The following MIEF1 variants were observed in gnomAD, a reference collection of about 807,000 sequenced individuals.
MIEF1 encodes mitochondrial elongation factor 1.
In MIEF1, 14 loss-of-function variants were observed where a neutral mutation model predicts 35.1. The ratio of observed to expected loss-of-function variants is 0.40; its 90% CI spans 0.26 to 0.62. MIEF1 has a LOEUF of 0.62. Among genes scored for constraint, MIEF1 ranks in the 20% least tolerant of loss-of-function variants. MIEF1 has a pLI of 0.43. For synonymous variants in MIEF1, 245 were observed against 254.3 expected (o/e 0.96, Z 0.35); for missense variants, 542 against 615.4 (o/e 0.88, Z 1.26).
Position 39,514,320 on chromosome 22 carries a change from G to T in MIEF1, c.1389G>T (p.Thr463=). 1 of 1,612,844 alleles carries T rather than the reference G, an allele frequency of 6.2e-7. No individual in the cohort carries two copies. Among genetic ancestry groups the T allele is most frequent in the Non-Finnish European group, 8.5e-7 (1 of 1,179,324 alleles). The change falls in exon 6 of 6, where the codon ACG becomes ACT. Residue 463 remains threonine (T), a synonymous_variant. Coordinates refer to ENST00000325301, the MANE Select transcript of MIEF1 (RefSeq NM_019008.6). The part of the protein sequence containing the change: ...SLSEPEVLLQ[T] ...CTGAGCCAGAGGTGCTGCTGCAGAC[G>T]TAGGGCAGGTGAAGGCCAAAGCGGG...
chr22:39,512,438 C>A lies in MIEF1; in HGVS notation c.529C>A (p.Pro177Thr). Residue 177 changes from proline to threonine, a missense_variant, in exon 5 of 6, where the codon CCT (proline) becomes ACT (threonine). Pro to Thr is a conservative substitution (Grantham distance 38, BLOSUM62 -1). Coordinates refer to ENST00000325301, the MANE Select transcript of MIEF1 (RefSeq NM_019008.6). ...ELRSFLRAKL[P>T]DMPLRDMYLS... ...CCGGAGCTTCCTGCGGGCCAAGTTG[C>A]CTGACATGCCGCTTCGGGACATGTA... 1 of 1,614,092 alleles carries A rather than the reference C, an allele frequency of 6.2e-7. No homozygotes were observed. The highest frequency in any genetic ancestry group is 8.5e-7 in the Non-Finnish European group (1 of 1,179,984).
intron 4 of MIEF1, 78 bp downstream of exon 4, chr22:39,512,104 G>C (rs1930374426): frequency 6.4e-7 from 1 of 1,557,342 alleles, no homozygotes; most frequent in Non-Finnish European, 8.7e-7. Flanking sequence ...TGTTTCCTGA[G>C]CACATCTGTG....
At position 39,504,491 on chromosome 22, in the gene MIEF1, G is replaced by A; in HGVS notation, c.-51G>A. The stretch of plus-strand genomic sequence containing the variant: ...AAAGGTGCCTTCTGTAGACACTCCT[G>A]CTCTCTTCCATCCCCATCTTACAGA... On this transcript the variant is annotated 5_prime_UTR_variant, in exon 2 of 6. Coordinates refer to ENST00000325301, the MANE Select transcript of MIEF1 (RefSeq NM_019008.6). 1 of 398,856 alleles carries A rather than the reference G, an allele frequency of 2.5e-6. No homozygotes were observed. The highest frequency in any genetic ancestry group is 3.6e-5 in the East Asian group (1 of 28,082). 24.7% of individuals were successfully genotyped at this position (398,856 alleles called of 1,614,324 possible).
Position 39,514,691 on chromosome 22 carries a change from G to A in MIEF1, c.*368G>A. ...GCCCGTTTGCCTGTTCCTATTCAGT[G>A]TCTTTTCTATTTTTTCCTCTCTCGT... On this transcript the variant is annotated 3_prime_UTR_variant, in exon 6 of 6. Coordinates refer to ENST00000325301, the MANE Select transcript of MIEF1 (RefSeq NM_019008.6). The A allele has an allele frequency of 1.1e-5, 3 of 284,700 alleles. No individual in the cohort carries two copies. The highest frequency in any genetic ancestry group is 1.1e-4 in the South Asian group (2 of 18,802). The allele number at this position is 284,700 out of a possible 1,614,324, so 17.6% of individuals were successfully genotyped here.
Position 39,515,553 on chromosome 22 carries a change from AC to A in MIEF1, c.*1232del, listed in dbSNP as rs1283924421. On this transcript the variant is annotated 3_prime_UTR_variant, in exon 6 of 6. Transcript: ENST00000325301. ...CCCAGCACCTGGGGAGATCGGTGCT[AC>A]CAAGGAAGAGAGCACACAGATAAGA... 1.7e-6 allele frequency: 1 copy of A among 580,654 alleles called. No individual in the cohort carries two copies. The highest frequency in any genetic ancestry group is 1.9e-5 in the African/African-American group (1 of 53,448). 36.0% of individuals were successfully genotyped at this position (580,654 alleles called of 1,614,324 possible).
At chr22:39,500,197 A>G (rs1929641721), upstream of MIEF1, 1 of 152,194 alleles carries the variant, frequency 6.6e-6, no homozygotes, top group Non-Finnish European at 1.5e-5. Context: ...AACCTGGCAG[A>G]GCCCTGAGGT....
chr22:39,512,488 C>T lies in MIEF1; in HGVS notation c.579C>T (p.Asp193=), dbSNP rs1400578181. 3 of 1,609,514 alleles carry T rather than the reference C, an allele frequency of 1.9e-6. No homozygotes were observed. The change falls in exon 5 of 6, where the codon GAC becomes GAT. Residue 193 remains aspartate (D), a synonymous_variant. Transcript: ENST00000325301. ...ACTTGAGTGGCAGCCTCTACGATGA[C>T]CTGCAGGTAACAAGGTGGTTCTCAT... ...DMYLSGSLYD[D]LQVVTADHIQ...
intron 2 of MIEF1, among the ~76,000 whole-genome samples, chr22:39,507,381 G>A (rs1569015710): frequency 6.6e-6 from 1 of 151,788 alleles, no homozygotes; most frequent in Non-Finnish European, 1.5e-5. Flanking sequence ...GAGTAGCTGG[G>A]ACTACAGGCG....
At position 39,502,520 on chromosome 22, in the gene MIEF1, C is replaced by T. The variant is rs760053096; in HGVS notation, c.-340+83C>T. Reference sequence around the variant, plus strand: ...CCTCCTCTCAGGCTGCTGCCGGCGCCTCGCATGCGGCCCGGAGTCAGGATA... The same window carrying T: ...CCTCCTCTCAGGCTGCTGCCGGCGCTTCGCATGCGGCCCGGAGTCAGGATA... On this transcript the variant is annotated intron_variant, in intron 1 of 5. Transcript: ENST00000325301. 13 of 152,270 alleles carry T rather than the reference C, an allele frequency of 8.5e-5. 1 individual carries two copies. The highest frequency in any genetic ancestry group is 1.3e-4 in the Non-Finnish European group (9 of 68,070). The allele number at this position is 152,270 out of a possible 1,614,324, so 9.4% of individuals were successfully genotyped here.
intron 2 of MIEF1, among the ~76,000 whole-genome samples, chr22:39,510,052 G>A (rs1377353457): frequency 1.3e-5 from 2 of 151,680 alleles, no homozygotes; most frequent in Admixed American, 6.6e-5. Flanking sequence ...TCCGCCTTCC[G>A]GGTTCAAGGG....
rs1240480107 is a variant in MIEF1, at chr22:39,513,905, C to T, written c.974C>T (p.Ala325Val). ...ACCCTCGGTGACACAGTCTTGGTGGCCAAACCACACCGGCTAGCCCAGTAT... is the reference window on the plus strand; with the variant it reads ...ACCCTCGGTGACACAGTCTTGGTGGTCAAACCACACCGGCTAGCCCAGTAT... ...SVTLGDTVLVAKPHRLAQYDN... is the reference protein window; with the variant it reads ...SVTLGDTVLVVKPHRLAQYDN... Residue 325 changes from alanine (A) to valine (V), a missense_variant, in exon 6 of 6, where the codon GCC (alanine) becomes GTC (valine). Coordinates refer to ENST00000325301, the MANE Select transcript of MIEF1 (RefSeq NM_019008.6). 1.2e-6 allele frequency: 2 copies of T among 1,614,070 alleles called. No individual in the cohort carries two copies. The highest frequency in any genetic ancestry group is 1.7e-6 in the Non-Finnish European group (2 of 1,180,032).
intron 5 of MIEF1, 79 bp downstream of exon 5, chr22:39,512,573 G>A (rs1390521971): frequency 3.3e-6 from 5 of 1,513,254 alleles, no homozygotes; most frequent in Non-Finnish European, 4.4e-6. Flanking sequence ...AGTGTCCCAG[G>A]CTTGCCAGAA....
chr22:39,501,475 G>A (rs551516987), upstream of MIEF1, among the ~76,000 whole-genome samples: 12 of 152,330 alleles, frequency 7.9e-5, no homozygotes, highest in East Asian at 5.8e-4. Flanking sequence ...AGGAGCCAGC[G>A]GTGGCCCCGG....
chr22:39,509,305 T>C (rs956909221), intron 2 of MIEF1: 1 of 152,262 alleles, frequency 6.6e-6, no homozygotes, highest in African/African-American at 2.4e-5. Context: ...GGTATCCGAC[T>C]TTGTTTTCCC....
At chr22:39,513,189 C>T (rs1343871619) in intron 5 of MIEF1, among the ~76,000 whole-genome samples, 1 of 151,878 alleles carries the variant, frequency 6.6e-6, no homozygotes, top group Non-Finnish European at 1.5e-5. Context: ...CAACCTCCGC[C>T]TCCTGGGTTC....
chr22:39,515,448 G>A lies in MIEF1; in HGVS notation c.*1125G>A. 1.5e-6 allele frequency: 1 copy of A among 675,266 alleles called. No individual in the cohort carries two copies. The highest frequency in any genetic ancestry group is 2.7e-6 in the Non-Finnish European group (1 of 364,792). The allele number at this position is 675,266 out of a possible 1,614,324, so 41.8% of individuals were successfully genotyped here. ...CAGCGTCTGCCATAGGAATGTGAGA[G>A]GGGTGTTTGCTGAGCGCTCCGGGCA... On this transcript the variant is annotated 3_prime_UTR_variant, in exon 6 of 6. Coordinates refer to ENST00000325301, the MANE Select transcript of MIEF1 (RefSeq NM_019008.6).
In MIEF1 at chr22:39,514,501, A is replaced by C; in HGVS notation, c.*178A>C. On this transcript the variant is annotated 3_prime_UTR_variant, in exon 6 of 6. Transcript: ENST00000325301. ...TCTTTCGTCTCCTATTTTGTTACCC[A>C]ACTCTTCCTATTTTTGTTACCAATC... 9.4e-6 allele frequency: 6 copies of C among 638,788 alleles called. No individual in the cohort carries two copies. Among genetic ancestry groups the C allele is most frequent in the South Asian group, 2.0e-5 (1 of 48,876 alleles). 39.6% of individuals were successfully genotyped at this position (638,788 alleles called of 1,614,324 possible).
At chr22:39,512,176 T>TG (rs1930378106) in intron 4 of MIEF1, 56 bp from the exon 5 acceptor site, 2 of 1,583,916 alleles carry the variant, frequency 1.3e-6, no homozygotes, top group Admixed American at 3.4e-5. Context: ...CTGAGGCAGC[T>TG]GTGGACTGAG....
intron 2 of MIEF1, chr22:39,504,795 A>T (rs567397838): frequency 2.9e-5 from 5 of 174,882 alleles, no homozygotes; most frequent in African/African-American, 9.5e-5. Flanking sequence ...GTGGGGGGGA[A>T]AAAAGAGGAC....
Sources: gnomAD v4.1 joint callset for allele counts (sites outside exome capture counted in the v4.1 genomes callset) on GRCh38, gnomAD v4.1.1 for gene constraint, MANE v1.5 for transcripts, NCBI Gene and HGNC (gene_info 2026-07-23, HGNC 2026-07-21) for gene names.